The following FAHD1 variants were observed in gnomAD, a reference collection of about 807,000 sequenced individuals.
The protein encoded by FAHD1 is FAH domain containing oxaloacetate decarboxylase 1, also known as oxaloacetate tautomerase FAHD1, mitochondrial.
A neutral mutation model predicts 12.7 loss-of-function variants in FAHD1; 14 were observed. The observed-to-expected ratio is 1.10, with a 90% confidence interval of 0.73 to 1.72. The LOEUF (loss-of-function observed/expected upper bound fraction) is 1.72, where lower values mean the gene tolerates loss of function less well. FAHD1 is among the 40% of genes most tolerant of loss of function. The pLI is 0.00. For synonymous variants in FAHD1, 153 were observed against 124.9 expected, an observed-to-expected ratio of 1.22 and a Z score of -1.50; for missense variants, 351 against 298.9, an observed-to-expected ratio of 1.17 and a Z score of -1.29.
At chr16:1,827,756 T>A in exon 1 of FAHD1, 1 of 1,614,136 alleles carries the variant, frequency 6.2e-7, no homozygotes, top group Non-Finnish European at 8.5e-7. Flanking sequence ...ATCAGCTATG[T>A]TTCTAAGATC....
In FAHD1 at chr16:1,834,317, G is replaced by A. The variant is rs771416758; in HGVS notation, c.628-3699G>A. ...CTCAGTAGGATCTGCAAGCTTGCAC[G>A]AGAGTACACTAATTTTCAATCCACT... On this transcript the variant is annotated intron_variant, in intron 1 of 2. Transcript: ENST00000382666. 1.2e-6 allele frequency: 2 copies of A among 1,613,086 alleles called. No homozygotes were observed. The highest frequency in any genetic ancestry group is 1.7e-6 in the Non-Finnish European group (2 of 1,179,198).
exon 1 of FAHD1, chr16:1,827,793 C>G (rs1567267876): frequency 1.9e-6 from 3 of 1,614,128 alleles, no homozygotes; most frequent in African/African-American, 2.7e-5. Flanking sequence ...GAGATATTAT[C>G]TTGACTGGGA....
At chr16:1,829,017 G>C (rs1021142071), downstream of FAHD1, 1 of 694,128 alleles carries the variant, frequency 1.4e-6, no homozygotes, top group Non-Finnish European at 1.8e-6. Flanking sequence ...TCTGAGCACT[G>C]TGCTGTGTTA....
At chr16:1,835,008 A>G (rs890586988) in intron 1 of FAHD1, among the ~76,000 whole-genome samples, 4 of 146,358 alleles carry the variant, frequency 2.7e-5, no homozygotes, top group Admixed American at 1.4e-4. Flanking sequence ...TAATCCCAGC[A>G]CTTTGGGAGG....
At chr16:1,837,892 GAC>G (rs760674658) in intron 1 of FAHD1, 2 of 1,479,596 alleles carry the variant, frequency 1.4e-6, no homozygotes, top group Non-Finnish European at 1.8e-6. Context: ...AAAAATATGA[GAC>G]AAATATATTT....
At chr16:1,838,605 C>T (rs1374842190) in intron 2 of FAHD1, among the ~76,000 whole-genome samples, 3 of 152,134 alleles carry the variant, frequency 2.0e-5, no homozygotes, top group African/African-American at 7.2e-5. Flanking sequence ...CTAGAAAAAC[C>T]ACCTTATGAC....
exon 1 of FAHD1, chr16:1,828,565 A>G (rs1260029900): frequency 1.0e-6 from 1 of 1,000,174 alleles, no homozygotes; most frequent in African/African-American, 1.7e-5. Context: ...TGTTCCAGAT[A>G]ACTTTCCGTT....
exon 1 of FAHD1, chr16:1,828,144 G>C (rs1427506541): frequency 2.3e-6 from 2 of 856,004 alleles, no homozygotes; most frequent in Non-Finnish European, 3.2e-6. Context: ...AGCCGGGCGT[G>C]GTGGCGGGCG....
downstream of FAHD1, among the ~76,000 whole-genome samples, chr16:1,833,457 A>G (rs1389951589): frequency 1.3e-5 from 2 of 151,000 alleles, no homozygotes; most frequent in Admixed American, 6.6e-5. Flanking sequence ...GACTTTGGCT[A>G]TTCCCACCCA....
chr16:1,831,451 G>C (rs1299396005), downstream of FAHD1, among the ~76,000 whole-genome samples: 1 of 152,172 alleles, frequency 6.6e-6, no homozygotes, highest in Non-Finnish European at 1.5e-5. Context: ...GGAGCGAGGA[G>C]TCTGTTGGCA....
At chr16:1,831,144 G>C (rs8044343), downstream of FAHD1, among the ~76,000 whole-genome samples, 53,883 of 152,030 alleles carry the variant, frequency 0.35, 9,907 homozygotes, top group South Asian at 0.52. Flanking sequence ...AAAACATGTT[G>C]ATTGGCCTTT....
In FAHD1 at chr16:1,835,499, CTG is replaced by C. The variant is rs1189732468; in HGVS notation, c.628-2516_628-2515del. On this transcript the variant is annotated intron_variant, in intron 1 of 2. Coordinates refer to the FAHD1 transcript ENST00000382666. The stretch of plus-strand genomic sequence containing the variant: ...CATATCAACCACTTTAATTTCAAGA[CTG>C]AGAGAAAAAAAAGTACCAACATCAG... Among the ~76,000 whole-genome samples the C allele has an allele frequency of 2.6e-5, 4 of 151,932 alleles. No individual in the cohort carries two copies. In the East Asian group the frequency reaches 5.8e-4, roughly 22 times the overall value.
intron 1 of FAHD1, chr16:1,837,817 T>C (rs1323526207): frequency 1.9e-6 from 3 of 1,541,198 alleles, no homozygotes; most frequent in Admixed American, 4.0e-5. Context: ...CCAAGAGAAA[T>C]TGCCACTTTA....
rs1054961573 is a variant in FAHD1 at position 1,838,691 on chromosome 16, G to T, written c.*8+557G>T. ...AAACATCATGTTTCCTTAGTGTTTT[G>T]TTTTTTTTTTAATTATTTGGAGACA... On this transcript the variant is annotated intron_variant, in intron 2 of 2. Coordinates refer to the FAHD1 transcript ENST00000382666. Among the ~76,000 whole-genome samples the T allele has an allele frequency of 1.0e-3, 153 of 148,506 alleles. 1 individual carries two copies. The highest frequency in any genetic ancestry group is 1.8e-3 in the Non-Finnish European group (120 of 66,806).
At chr16:1,837,887 TATG>T in intron 1 of FAHD1, 3 of 1,197,710 alleles carry the variant, frequency 2.5e-6, no homozygotes, top group Non-Finnish European at 3.2e-6. Flanking sequence ...AAAAAAAAAA[TATG>T]AGACAAATAT....
At chr16:1,839,197 TGGGAAAAAG>T in intron 2 of FAHD1, 1 of 1,474,376 alleles carries the variant, frequency 6.8e-7, no homozygotes, top group Admixed American at 2.6e-5. Flanking sequence ...TATATTTTTT[TGGGAAAAAG>T]CATTCACTTT....
Position 1,828,061 on chromosome 16 carries a change from CACG to C in FAHD1, c.*161_*163del, listed in dbSNP as rs2142062321. 5 of 1,351,270 alleles carry C rather than the reference CACG, an allele frequency of 3.7e-6. No homozygotes were observed. In the South Asian group the frequency reaches 7.7e-5, roughly 21 times the overall value. The allele number at this position is 1,351,270 out of a possible 1,614,324, so 83.7% of individuals were successfully genotyped here. On this transcript the variant is annotated 3_prime_UTR_variant, in exon 1 of 1. Coordinates refer to ENST00000427358, the Ensembl canonical transcript of FAHD1. ...CTTTGGGAGGCCGAGGCGGGCGGCT[CACG>C]ACGTCAGGAGATCCAGACCATCTTG...
intron 1 of FAHD1, among the ~76,000 whole-genome samples, chr16:1,835,537 G>A (rs963326436): frequency 2.0e-5 from 3 of 152,126 alleles, no homozygotes; most frequent in Non-Finnish European, 4.4e-5. Context: ...GGAAAACTGG[G>A]AAAGACTTTA....
At chr16:1,839,152 G>T in intron 2 of FAHD1, 1 of 1,345,698 alleles carries the variant, frequency 7.4e-7, no homozygotes, top group Non-Finnish European at 9.9e-7. Flanking sequence ...GTTTATTAGT[G>T]AATCAATTTC....
Sources: allele counts gnomAD v4.1 joint callset (sites outside exome capture counted in the v4.1 genomes callset), GRCh38; gene constraint gnomAD v4.1.1; transcripts MANE v1.5; gene names NCBI Gene and HGNC (gene_info 2026-07-23, HGNC 2026-07-21).